The following EIF3J variants were observed in gnomAD, a reference collection of about 807,000 sequenced individuals.
EIF3J encodes the protein eukaryotic translation initiation factor 3 subunit J, also known as eukaryotic translation initiation factor 3, subunit 1 (alpha, 35kD).
A neutral mutation model predicts 39.0 loss-of-function variants in EIF3J; 15 were observed. The observed-to-expected ratio is 0.38, with a 90% CI of 0.26 to 0.59. The LOEUF (loss-of-function observed/expected upper bound fraction) is 0.59. Among genes scored for constraint, EIF3J ranks in the 20% least tolerant of loss-of-function variants. The pLI, the probability that EIF3J is intolerant of heterozygous loss-of-function variation, is 0.60. For missense variants in EIF3J, 226 were observed against 308.6 expected, an observed-to-expected ratio of 0.73 and a Z score of 2.00; for synonymous variants, 98 against 112.9, an observed-to-expected ratio of 0.87 and a Z score of 0.84.
At chr15:44,558,928 T>C (rs768648007) in intron 6 of EIF3J, 6 of 152,226 alleles carry the variant, frequency 3.9e-5, no homozygotes, top group Non-Finnish European at 7.3e-5. Context: ...GAACACTTTC[T>C]GGTAGCTAAA....
chr15:44,557,407 C>A, intron 5 of EIF3J, 82 bp from the exon 6 acceptor site: 1 of 1,063,848 alleles, frequency 9.4e-7, no homozygotes, highest in Non-Finnish European at 1.3e-6. Context: ...CAGGGTTATT[C>A]AGATAGCTAT....
At chr15:44,542,042 T>A (rs1198721620) in intron 2 of EIF3J, among the ~76,000 whole-genome samples, 1 of 152,212 alleles carries the variant, frequency 6.6e-6, no homozygotes, top group Non-Finnish European at 1.5e-5. Flanking sequence ...AAATTTAAAG[T>A]AGATTGATAA....
At chr15:44,550,964 A>T (rs2082094103) in intron 3 of EIF3J, 34 bp downstream of exon 3, 2 of 1,596,312 alleles carry the variant, frequency 1.3e-6, no homozygotes, top group African/African-American at 2.7e-5. Flanking sequence ...TTTTGTTTTT[A>T]TGTCTTGCTG....
intron 5 of EIF3J, among the ~76,000 whole-genome samples, chr15:44,555,197 A>G (rs949639562): frequency 3.3e-5 from 5 of 152,170 alleles, no homozygotes; most frequent in African/African-American, 1.2e-4. Flanking sequence ...GCGTGAGATA[A>G]AAGTGCAGGA....
intron 2 of EIF3J, among the ~76,000 whole-genome samples, chr15:44,547,003 A>G (rs2082058857): frequency 6.6e-6 from 1 of 151,442 alleles, no homozygotes; most frequent in Middle Eastern, 3.4e-3. Flanking sequence ...TGTATTTTTT[A>G]GTATAAACGG....
chr15:44,539,804 G>A (rs562643639), intron 2 of EIF3J, among the ~76,000 whole-genome samples: 4 of 144,142 alleles, frequency 2.8e-5, no homozygotes, highest in African/African-American at 7.8e-5. Context: ...GTCTCACCCC[G>A]TTTCCCAGGC....
chr15:44,537,295 G>A (rs1448555637), intron 1 of EIF3J, 29 bp from the exon 2 acceptor site: 1 of 1,562,662 alleles, frequency 6.4e-7, no homozygotes, highest in East Asian at 2.4e-5. Flanking sequence ...GCAGTGGCAG[G>A]CACTAACACG....
chr15:44,537,500 G>A, intron 2 of EIF3J, 73 bp downstream of exon 2: 1 of 1,399,032 alleles, frequency 7.1e-7, no homozygotes, highest in Non-Finnish European at 9.3e-7. Context: ...TGGGCCCCGG[G>A]TCGCTGCCGG....
At position 44,557,083 on chromosome 15, in the gene EIF3J, C is replaced by T. The variant is rs916436131; in HGVS notation, c.410-406C>T. Among the ~76,000 whole-genome samples, 11 of 152,254 alleles carry T rather than the reference C, an allele frequency of 7.2e-5. No homozygotes were observed. The East Asian group carries it at 1.2e-3, about 16-fold the overall frequency. On this transcript the variant is annotated intron_variant, in intron 5 of 7. Transcript: ENST00000261868. ...GATACAGAATTATATGCTTCCTTATCGATGCATTAAATCAGGTGTAGTGGC... is the reference window on the plus strand; with the variant it reads ...GATACAGAATTATATGCTTCCTTATTGATGCATTAAATCAGGTGTAGTGGC...
chr15:44,556,336 G>A (rs941376750), intron 5 of EIF3J, among the ~76,000 whole-genome samples: 11 of 152,074 alleles, frequency 7.2e-5, no homozygotes, highest in African/African-American at 1.2e-4. Flanking sequence ...CTTTTGTAAT[G>A]TAATATGTTG....
chr15:44,539,652 G>A (rs2081992413), intron 2 of EIF3J, among the ~76,000 whole-genome samples: 4 of 150,200 alleles, frequency 2.7e-5, no homozygotes, highest in South Asian at 2.1e-4. Flanking sequence ...TGCCCGCCTT[G>A]GCCTCCCAAA....
rs148842910 is a variant in EIF3J, at chr15:44,547,058, A to T, written c.148-3818A>T. Among the ~76,000 whole-genome samples, 13 of 151,946 alleles carry T rather than the reference A, an allele frequency of 8.6e-5. 1 individual carries two copies. Among genetic ancestry groups the T allele is most frequent in the African/African-American group, 3.1e-4 (13 of 41,452 alleles). On this transcript the variant is annotated intron_variant, in intron 2 of 7. Coordinates refer to ENST00000261868, the MANE Select transcript of EIF3J (RefSeq NM_003758.4). ...GGCTGGTCTCGGAACTCCTGGTCTCAAGTGATCTGCCTGCCTCGGCCTCCC... is the reference window on the plus strand; with the variant it reads ...GGCTGGTCTCGGAACTCCTGGTCTCTAGTGATCTGCCTGCCTCGGCCTCCC...
intron 2 of EIF3J, among the ~76,000 whole-genome samples, chr15:44,549,444 A>G (rs1046124993): frequency 3.3e-5 from 5 of 151,880 alleles, no homozygotes; most frequent in Non-Finnish European, 7.4e-5. Context: ...AAGACTTTCT[A>G]ATTGACTTGA....
At chr15:44,542,302 C>T (rs1173187415) in intron 2 of EIF3J, among the ~76,000 whole-genome samples, 1 of 151,830 alleles carries the variant, frequency 6.6e-6, no homozygotes, top group African/African-American at 2.4e-5. Context: ...TCTCTCAGAA[C>T]TGCACAGCTT....
chr15:44,551,021 T>C, intron 3 of EIF3J, 91 bp downstream of exon 3: 2 of 1,491,958 alleles, frequency 1.3e-6, no homozygotes, highest in East Asian at 2.4e-5. Flanking sequence ...GCTCACAAAA[T>C]GGAACATTTT....
chr15:44,552,823 G>T (rs2082111668), intron 4 of EIF3J, among the ~76,000 whole-genome samples: 1 of 152,220 alleles, frequency 6.6e-6, no homozygotes, highest in African/African-American at 2.4e-5. Context: ...GCCTCCCAGA[G>T]TGCTAGGATT....
intron 2 of EIF3J, among the ~76,000 whole-genome samples, chr15:44,540,269 T>TATA (rs1567115256): frequency 6.5e-3 from 248 of 37,998 alleles, no homozygotes; most frequent in Non-Finnish European, 7.7e-3. Context: ...ATATATATAT[T>TATA]TTTTTTTTTT....
At chr15:44,558,169 A>G (rs1057125909) in intron 6 of EIF3J, among the ~76,000 whole-genome samples, 15 of 152,290 alleles carry the variant, frequency 9.8e-5, no homozygotes, top group African/African-American at 3.6e-4. Flanking sequence ...AGTGACAGCC[A>G]TGGGTGGTGA....
At chr15:44,554,299 C>T (rs776869569) in intron 4 of EIF3J, among the ~76,000 whole-genome samples, 14 of 150,552 alleles carry the variant, frequency 9.3e-5, no homozygotes, top group Non-Finnish European at 1.5e-4. Context: ...ATCACTTGAA[C>T]CCAGGAGGCA....
Sources: allele counts gnomAD v4.1 joint callset (sites outside exome capture counted in the v4.1 genomes callset), GRCh38; gene constraint gnomAD v4.1.1; transcripts MANE v1.5; gene names NCBI Gene and HGNC (gene_info 2026-07-23, HGNC 2026-07-21).